Variants in ERBB4 observed in about 807,000 individuals in gnomAD.
ERBB4 encodes the protein receptor tyrosine-protein kinase erbB-4.
In ERBB4, 42 loss-of-function variants were observed where a neutral mutation model predicts 158.0. The ratio of observed to expected loss-of-function variants is 0.27; its 90% CI spans 0.21 to 0.34. The LOEUF is 0.34. Among genes scored for constraint, ERBB4 ranks in the 10% least tolerant of loss-of-function variants. The pLI is 1.00. For synonymous variants in ERBB4, 583 were observed against 558.7 expected, an observed-to-expected ratio of 1.04 and a Z score of -0.61; for missense variants, 1,333 against 1,624.1, an observed-to-expected ratio of 0.82 and a Z score of 3.08.
At chr2:212,064,885 A>C (rs758844994) in intron 2 of ERBB4, among the ~76,000 whole-genome samples, 2 of 152,124 alleles carry the variant, frequency 1.3e-5, no homozygotes, top group South Asian at 4.1e-4. Context: ...CTGATTTTGT[A>C]ATTGTTGTTA....
chr2:211,524,742 G>C (rs12694235), intron 20 of ERBB4, among the ~76,000 whole-genome samples: 99,838 of 151,604 alleles, frequency 0.66, 33,009 homozygotes, highest in East Asian at 0.79. Flanking sequence ...AGCCCAGATT[G>C]CCATTTGCAC....
chr2:212,493,672 C>A (rs756001067), intron 1 of ERBB4, among the ~76,000 whole-genome samples: 26 of 151,698 alleles, frequency 1.7e-4, no homozygotes, highest in Admixed American at 3.3e-4. Flanking sequence ...AAAATCAAAT[C>A]AACACAATTC....
intron 2 of ERBB4, among the ~76,000 whole-genome samples, chr2:212,012,804 G>A (rs2076420963): frequency 1.3e-5 from 2 of 151,950 alleles, no homozygotes; most frequent in Admixed American, 6.6e-5. Context: ...GAATGCCGTA[G>A]TGCAATCATG....
chr2:212,307,390 T>C (rs985606631), intron 1 of ERBB4, among the ~76,000 whole-genome samples: 13 of 149,722 alleles, frequency 8.7e-5, no homozygotes, highest in African/African-American at 2.7e-4. Flanking sequence ...AAAGAGGAAA[T>C]TTTAACTAAT....
At chr2:211,949,926 C>G (rs1197862232) in intron 2 of ERBB4, among the ~76,000 whole-genome samples, 1 of 152,164 alleles carries the variant, frequency 6.6e-6, no homozygotes, top group African/African-American at 2.4e-5. Flanking sequence ...TAACCTGTCT[C>G]TTTTTCCCAG....
At chr2:211,473,538 A>G (rs2064881714) in intron 20 of ERBB4, among the ~76,000 whole-genome samples, 1 of 152,254 alleles carries the variant, frequency 6.6e-6, no homozygotes, top group Middle Eastern at 3.4e-3. Context: ...TCTGTATGAT[A>G]TAAGGATGGA....
At chr2:211,775,019 T>A (rs1368276360) in intron 4 of ERBB4, among the ~76,000 whole-genome samples, 2 of 152,200 alleles carry the variant, frequency 1.3e-5, no homozygotes, top group Non-Finnish European at 2.9e-5. Flanking sequence ...TTGGGCCAAC[T>A]GTGGTGCTAA....
chr2:212,358,242 A>C (rs981252622), intron 1 of ERBB4, among the ~76,000 whole-genome samples: 1 of 151,890 alleles, frequency 6.6e-6, no homozygotes, highest in African/African-American at 2.4e-5. Context: ...TATCAGATTA[A>C]TATTTTTAAC....
At chr2:212,477,568 T>C (rs1039329317) in intron 1 of ERBB4, among the ~76,000 whole-genome samples, 2 of 152,192 alleles carry the variant, frequency 1.3e-5, no homozygotes, top group Non-Finnish European at 2.9e-5. Context: ...AATTCAAATC[T>C]GTATTTGCTG....
In ERBB4 at chr2:211,734,716, C is replaced by T. The variant is rs188400754; in HGVS notation, c.623-9522G>A. ...CGGGCGGATCATGAGGTCAGGAGATCGAGACCATCCTGGCTAACATGGTGA... is the reference window on the plus strand; with the variant it reads ...CGGGCGGATCATGAGGTCAGGAGATTGAGACCATCCTGGCTAACATGGTGA... On this transcript the variant is annotated intron_variant, in intron 5 of 27. Coordinates refer to ENST00000342788, the MANE Select transcript of ERBB4 (RefSeq NM_005235.3). 7.0e-3 allele frequency among the ~76,000 whole-genome samples: 1,036 copies of T among 148,912 alleles called. 6 individuals are homozygous for T. The highest frequency in any genetic ancestry group is 0.012 in the Non-Finnish European group (783 of 67,584).
intron 14 of ERBB4, among the ~76,000 whole-genome samples, chr2:211,670,649 C>T (rs1484131125): frequency 1.3e-5 from 2 of 152,094 alleles, no homozygotes; most frequent in African/African-American, 4.8e-5. Context: ...CAGAACAATT[C>T]ATTTAAGTAC....
chr2:212,511,213 A>G (rs1413404017), intron 1 of ERBB4, among the ~76,000 whole-genome samples: 2 of 152,160 alleles, frequency 1.3e-5, no homozygotes, highest in East Asian at 3.9e-4. Flanking sequence ...CTCATTTTAG[A>G]CCTTCGGCAA....
chr2:211,676,025 T>C (rs116451224), intron 13 of ERBB4, among the ~76,000 whole-genome samples: 2,541 of 152,162 alleles, frequency 0.017, 75 homozygotes, highest in African/African-American at 0.058. Flanking sequence ...ACACCACTAT[T>C]ATTCCCAATT....
At chr2:211,675,792 T>TTATATA (rs34492305) in intron 13 of ERBB4, among the ~76,000 whole-genome samples, 1,757 of 93,554 alleles carry the variant, frequency 0.019, 57 homozygotes, top group African/African-American at 0.042. Context: ...AAATATAATA[T>TTATATA]TATATATATA....
intron 1 of ERBB4, among the ~76,000 whole-genome samples, chr2:212,258,685 C>G (rs1285405632): frequency 6.7e-6 from 1 of 149,780 alleles, no homozygotes; most frequent in African/African-American, 2.4e-5. Context: ...TTAAAGCTGC[C>G]TAAATAACAA....
intron 14 of ERBB4, among the ~76,000 whole-genome samples, chr2:211,672,915 A>G (rs1446077416): frequency 1.3e-5 from 2 of 152,170 alleles, no homozygotes; most frequent in African/African-American, 2.4e-5. Context: ...ATAGTCCAGG[A>G]CTACTCTATA....
At chr2:212,426,969 G>A (rs1177222786) in intron 1 of ERBB4, among the ~76,000 whole-genome samples, 2 of 152,052 alleles carry the variant, frequency 1.3e-5, no homozygotes, top group Admixed American at 1.3e-4. Flanking sequence ...CAAGCTACAG[G>A]ATAAGTTTTA....
intron 20 of ERBB4, among the ~76,000 whole-genome samples, chr2:211,471,227 A>G (rs2064819611): frequency 6.6e-6 from 1 of 152,136 alleles, no homozygotes; most frequent in Non-Finnish European, 1.5e-5. Context: ...CACCAGTCAC[A>G]GGTGAAGAAG....
intron 1 of ERBB4, among the ~76,000 whole-genome samples, chr2:212,295,667 T>C (rs546940412): frequency 9.7e-4 from 148 of 152,170 alleles, no homozygotes; most frequent in African/African-American, 3.3e-3. Context: ...AGTTACTTAA[T>C]ATTTGTGAAT....
Sources: allele counts gnomAD v4.1 joint callset (sites outside exome capture counted in the v4.1 genomes callset), GRCh38; gene constraint gnomAD v4.1.1; transcripts MANE v1.5; gene names NCBI Gene and HGNC (gene_info 2026-07-23, HGNC 2026-07-21).